Variants in LINGO2 observed in about 807,000 individuals in gnomAD.
The protein encoded by LINGO2 is leucine-rich repeat and immunoglobulin-like domain-containing nogo receptor-interacting protein 2.
A neutral mutation model predicts 30.6 loss-of-function variants in LINGO2; 14 were observed. The ratio of observed to expected loss-of-function variants is 0.46; its 90% CI spans 0.30 to 0.72. The LOEUF (loss-of-function observed/expected upper bound fraction) is 0.72, where lower values mean the gene tolerates loss of function less well. LINGO2 is among the 30% of genes least tolerant of loss of function. The pLI is 0.07. For synonymous variants in LINGO2, 317 were observed against 288.5 expected, an observed-to-expected ratio of 1.10 and a Z score of -1.00; for missense variants, 729 against 751.7, an observed-to-expected ratio of 0.97 and a Z score of 0.35.
the LINGO2 span, among the ~76,000 whole-genome samples, chr9:28,762,161 T>G: frequency 1.3e-5 from 2 of 152,080 alleles, no homozygotes; most frequent in Non-Finnish European, 2.9e-5. Flanking sequence ...TGGGGTAGAC[T>G]AAAACATAAA....
intron 4 of LINGO2, among the ~76,000 whole-genome samples, chr9:28,291,716 C>A (rs1336369728): frequency 6.6e-6 from 1 of 152,052 alleles, no homozygotes; most frequent in Non-Finnish European, 1.5e-5. Flanking sequence ...AATTGTGGGA[C>A]AATATCTGAC....
intron 4 of LINGO2, among the ~76,000 whole-genome samples, chr9:28,046,448 C>T (rs1366791991): frequency 3.9e-5 from 6 of 152,084 alleles, no homozygotes; most frequent in African/African-American, 2.4e-5. Context: ...TTTTGGTGGA[C>T]GCTACTGGTC....
intron 4 of LINGO2, among the ~76,000 whole-genome samples, chr9:28,285,386 T>A (rs1016194912): frequency 6.6e-6 from 1 of 150,530 alleles, no homozygotes; most frequent in Admixed American, 6.7e-5. Flanking sequence ...AGAGGACACG[T>A]TGCCCAAGAT....
chr9:28,422,087 G>T (rs1823219682), intron 2 of LINGO2, among the ~76,000 whole-genome samples: 1 of 151,948 alleles, frequency 6.6e-6, no homozygotes. Context: ...AAATCTTCAG[G>T]ACATGGGATT....
At chr9:28,033,245 C>G (rs1171341033) in intron 4 of LINGO2, among the ~76,000 whole-genome samples, 2 of 152,162 alleles carry the variant, frequency 1.3e-5, no homozygotes, top group African/African-American at 2.4e-5. Flanking sequence ...CATTGAATTC[C>G]TATGGCTTGT....
At chr9:29,029,494 A>G in the LINGO2 span, among the ~76,000 whole-genome samples, 141 of 152,264 alleles carry the variant, frequency 9.3e-4, no homozygotes, top group African/African-American at 3.2e-3. Flanking sequence ...CTCTGGCCCT[A>G]CAATTATAAA....
chr9:28,861,229 TATA>T, the LINGO2 span, among the ~76,000 whole-genome samples: 2 of 113,428 alleles, frequency 1.8e-5, no homozygotes, highest in Non-Finnish European at 3.4e-5. Context: ...ATTATATAAA[TATA>T]TAATATATAT....
chr9:29,083,717 T>C, the LINGO2 span, among the ~76,000 whole-genome samples: 1 of 152,030 alleles, frequency 6.6e-6, no homozygotes, highest in Non-Finnish European at 1.5e-5. Context: ...AAAAAATGCA[T>C]TGAAGTCCTT....
intron 2 of LINGO2, among the ~76,000 whole-genome samples, chr9:28,385,439 A>T (rs1821539555): frequency 6.6e-6 from 1 of 152,106 alleles, no homozygotes; most frequent in African/African-American, 2.4e-5. Flanking sequence ...GTGGGGAGGG[A>T]TTGCTGTATT....
At chr9:28,762,528 G>A in the LINGO2 span, among the ~76,000 whole-genome samples, 1 of 151,872 alleles carries the variant, frequency 6.6e-6, no homozygotes, top group African/African-American at 2.4e-5. Context: ...TGATAAGGAG[G>A]GTGTACACAC....
At chr9:28,639,825 AG>A (rs1294911045) in intron 1 of LINGO2, among the ~76,000 whole-genome samples, 1 of 152,118 alleles carries the variant, frequency 6.6e-6, no homozygotes, top group Non-Finnish European at 1.5e-5. Flanking sequence ...TTTACATTTA[AG>A]GTTAATATGG....
chr9:29,014,241 T>C, the LINGO2 span, among the ~76,000 whole-genome samples: 1 of 152,086 alleles, frequency 6.6e-6, no homozygotes, highest in Non-Finnish European at 1.5e-5. Context: ...TGGAGAGAAA[T>C]TCAAATTGGA....
chr9:29,204,307 A>G, the LINGO2 span, among the ~76,000 whole-genome samples: 2 of 152,230 alleles, frequency 1.3e-5, no homozygotes, highest in Admixed American at 6.5e-5. Context: ...TTTCAAACTC[A>G]TGGATAAATC....
At chr9:28,934,275 A>C in the LINGO2 span, among the ~76,000 whole-genome samples, 1 of 152,228 alleles carries the variant, frequency 6.6e-6, no homozygotes, top group Admixed American at 6.5e-5. Context: ...CCTTCAGCAA[A>C]ATAGAACTTA....
chr9:28,018,466 C>T (rs1213997795), intron 4 of LINGO2, among the ~76,000 whole-genome samples: 1 of 151,946 alleles, frequency 6.6e-6, no homozygotes, highest in Admixed American at 6.6e-5. Context: ...CAACAAAGGT[C>T]TAATATCTAG....
At chr9:28,953,040 A>C in the LINGO2 span, among the ~76,000 whole-genome samples, 2 of 152,186 alleles carry the variant, frequency 1.3e-5, no homozygotes, top group Admixed American at 1.3e-4. Flanking sequence ...TTACATTCCC[A>C]GCATCAACAT....
chr9:28,136,498 C>T (rs1486071138), intron 4 of LINGO2, among the ~76,000 whole-genome samples: 2 of 152,216 alleles, frequency 1.3e-5, no homozygotes, highest in African/African-American at 4.8e-5. Flanking sequence ...TTCTGCCTAG[C>T]AGGGATGCTC....
intron 2 of LINGO2, among the ~76,000 whole-genome samples, chr9:28,410,282 G>A (rs1286912814): frequency 2.0e-5 from 3 of 152,122 alleles, no homozygotes; most frequent in Non-Finnish European, 2.9e-5. Context: ...AAGAAATTAC[G>A]AACCAGGCAA....
intron 2 of LINGO2, among the ~76,000 whole-genome samples, chr9:28,425,374 C>A (rs189626800): frequency 3.3e-4 from 50 of 150,348 alleles, no homozygotes; most frequent in Admixed American, 8.7e-4. Context: ...TATATTGGCT[C>A]AATTATCCAC....
Sources: allele counts gnomAD v4.1 joint callset (sites outside exome capture counted in the v4.1 genomes callset), GRCh38; gene constraint gnomAD v4.1.1; transcripts MANE v1.5; gene names NCBI Gene and HGNC (gene_info 2026-07-23, HGNC 2026-07-21).